BABAM2: variants seen among roughly 807,000 people sequenced by gnomAD.
BABAM2 encodes the protein BRISC and BRCA1 A complex member 2.
BABAM2 carries 31 observed loss-of-function variants against 54.7 expected under a neutral mutation model. The ratio of observed to expected loss-of-function variants is 0.57; its 90% CI spans 0.43 to 0.77. The LOEUF (loss-of-function observed/expected upper bound fraction) is 0.77. BABAM2 is among the 30% of genes least tolerant of loss of function. BABAM2 has a pLI of 0.00. For missense variants in BABAM2, 364 were observed against 455.8 expected (o/e 0.80, Z 1.83); for synonymous variants, 167 against 162.9 (o/e 1.03, Z -0.19).
intron 5 of BABAM2, among the ~76,000 whole-genome samples, chr2:28,041,903 G>A (rs1182922766): frequency 6.6e-6 from 1 of 152,194 alleles, no homozygotes; most frequent in Non-Finnish European, 1.5e-5. Flanking sequence ...AGAGTTAGGG[G>A]CAATTGCAGT....
intron 7 of BABAM2, among the ~76,000 whole-genome samples, chr2:28,169,971 T>G (rs1160697042): frequency 1.3e-5 from 2 of 152,144 alleles, no homozygotes; most frequent in East Asian, 1.9e-4. Flanking sequence ...TGCTTTAAAC[T>G]TTCAAAAAAC....
Position 27,983,942 on chromosome 2 carries a change from C to CTTTTTTTTT in BABAM2, c.206-4040_206-4032dup. On this transcript the variant is annotated intron_variant, in intron 3 of 11. Coordinates refer to ENST00000379624, the MANE Select transcript of BABAM2 (RefSeq NM_199191.3). ...TTTCCAATGTAGATACATTTTGTAC[C>CTTTTTTTTT]TTTTTTTTTTTTTTTTTTTGCCAAA... 1.0e-3 allele frequency among the ~76,000 whole-genome samples: 32 copies of CTTTTTTTTT among 31,150 alleles called. 5 individuals carry two copies. The highest frequency in any genetic ancestry group is 3.0e-3 in the African/African-American group (22 of 7,248). The allele number at this position is 31,150 out of a possible 152,430, so 20.4% of individuals were successfully genotyped here.
intron 11 of BABAM2, chr2:28,308,572 G>A (rs1243689876): frequency 2.2e-6 from 1 of 462,206 alleles, no homozygotes; most frequent in African/African-American, 2.0e-5. Flanking sequence ...AAGGCATATT[G>A]GGATCATCTA....
At chr2:28,130,988 G>T (rs879809272) in intron 7 of BABAM2, among the ~76,000 whole-genome samples, 1 of 151,844 alleles carries the variant, frequency 6.6e-6, no homozygotes, top group Non-Finnish European at 1.5e-5. Flanking sequence ...TGATCTGCCC[G>T]CTTCGGCCTC....
intron 7 of BABAM2, among the ~76,000 whole-genome samples, chr2:28,164,232 A>C (rs1673399757): frequency 6.6e-6 from 1 of 152,182 alleles, no homozygotes; most frequent in Non-Finnish European, 1.5e-5. Flanking sequence ...GCAGTTCCAC[A>C]TGTGCAATTG....
intron 7 of BABAM2, among the ~76,000 whole-genome samples, chr2:28,150,039 T>C (rs1378878216): frequency 2.6e-5 from 4 of 152,204 alleles, no homozygotes; most frequent in Non-Finnish European, 5.9e-5. Flanking sequence ...GTCTCGAATC[T>C]TAACCATAAC....
intron 7 of BABAM2, among the ~76,000 whole-genome samples, chr2:28,231,785 CTTTTTTTTTTTTTTT>C (rs549515372): frequency 4.0e-4 from 23 of 57,652 alleles, no homozygotes; most frequent in African/African-American, 9.4e-4. Flanking sequence ...AGAGAGATGT[CTTTTTTTTTTTTTTT>C]TTTTTTTTTT....
At chr2:28,158,247 A>G (rs1558391815) in intron 7 of BABAM2, among the ~76,000 whole-genome samples, 1 of 152,234 alleles carries the variant, frequency 6.6e-6, no homozygotes, top group Non-Finnish European at 1.5e-5. Flanking sequence ...AAAAAACTCA[A>G]AAATAAAAAC....
In BABAM2 at chr2:28,182,696, T is replaced by C. The variant is rs140835627; in HGVS notation, c.680+53316T>C. Among the ~76,000 whole-genome samples the C allele has an allele frequency of 1.3e-3, 201 of 152,374 alleles. 2 individuals carry two copies. Among genetic ancestry groups the C allele is most frequent in the African/African-American group, 4.4e-3 (185 of 41,592 alleles). On this transcript the variant is annotated intron_variant, in intron 7 of 11. Coordinates refer to ENST00000379624, the MANE Select transcript of BABAM2 (RefSeq NM_199191.3). ...TCACATGTACACCAACTGTTGTTTG[T>C]AGACTAAATAAATAACATCTAACAT...
At chr2:28,234,016 A>G (rs915041786) in intron 7 of BABAM2, among the ~76,000 whole-genome samples, 3 of 152,240 alleles carry the variant, frequency 2.0e-5, no homozygotes, top group East Asian at 3.9e-4. Flanking sequence ...AGCCAGACCT[A>G]CTGTTTCTTC....
chr2:28,214,098 G>T (rs1033139391), intron 7 of BABAM2, among the ~76,000 whole-genome samples: 3 of 152,010 alleles, frequency 2.0e-5, no homozygotes, highest in Admixed American at 6.6e-5. Context: ...AATTGACATT[G>T]GCATGTTACT....
chr2:27,939,719 G>A (rs565572868), intron 3 of BABAM2, among the ~76,000 whole-genome samples: 8 of 152,258 alleles, frequency 5.3e-5, no homozygotes, highest in Admixed American at 2.0e-4. Flanking sequence ...AATGAAAATA[G>A]CATGTAACTA....
chr2:28,057,943 A>G lies in BABAM2; in HGVS notation c.570+12144A>G, dbSNP rs1489497073. Among the ~76,000 whole-genome samples, 4 of 152,188 alleles carry G rather than the reference A, an allele frequency of 2.6e-5. No individual in the cohort carries two copies. The East Asian group carries it at 7.7e-4, about 29-fold the overall frequency. On this transcript the variant is annotated intron_variant, in intron 6 of 11. Coordinates refer to ENST00000379624, the MANE Select transcript of BABAM2 (RefSeq NM_199191.3). ...AGGATCACAAGGTCAAGAGATCGAGACCATCCTGGCTAACACAGTGAAACC... is the reference window on the plus strand; with the variant it reads ...AGGATCACAAGGTCAAGAGATCGAGGCCATCCTGGCTAACACAGTGAAACC...
intron 6 of BABAM2, among the ~76,000 whole-genome samples, chr2:28,076,856 T>C (rs751580710): frequency 6.6e-6 from 1 of 152,180 alleles, no homozygotes; most frequent in Non-Finnish European, 1.5e-5. Context: ...CTTTTTACTT[T>C]GTATAAAGAT....
At chr2:28,050,584 G>C (rs1677924646) in intron 6 of BABAM2, among the ~76,000 whole-genome samples, 1 of 152,094 alleles carries the variant, frequency 6.6e-6, no homozygotes, top group Admixed American at 6.6e-5. Context: ...AATGATACTG[G>C]GATTAGACAA....
At chr2:28,066,197 TA>T (rs919215692) in intron 6 of BABAM2, among the ~76,000 whole-genome samples, 41 of 150,232 alleles carry the variant, frequency 2.7e-4, no homozygotes, top group African/African-American at 9.0e-4. Flanking sequence ...AATAAAAAAA[TA>T]AAAAAAACAG....
chr2:27,992,430 C>T (rs1328329270), intron 4 of BABAM2, among the ~76,000 whole-genome samples: 1 of 152,054 alleles, frequency 6.6e-6, no homozygotes, highest in Admixed American at 6.6e-5. Flanking sequence ...AGTACCCTGT[C>T]TCTCAATCAA....
chr2:28,026,919 T>TAC (rs1675842982), intron 5 of BABAM2, among the ~76,000 whole-genome samples: 1 of 30,674 alleles, frequency 3.3e-5, no homozygotes, highest in Non-Finnish European at 6.9e-5. Context: ...TATATATTAA[T>TAC]ATATATAAAT....
chr2:28,070,551 C>CT (rs779324534), intron 6 of BABAM2, among the ~76,000 whole-genome samples: 11 of 85,742 alleles, frequency 1.3e-4, no homozygotes, highest in African/African-American at 3.5e-4. Flanking sequence ...AAGTACTTTT[C>CT]TTTTCTTTTT....
Sources: allele counts gnomAD v4.1 joint callset (sites outside exome capture counted in the v4.1 genomes callset), GRCh38; gene constraint gnomAD v4.1.1; transcripts MANE v1.5; gene names NCBI Gene and HGNC (gene_info 2026-07-23, HGNC 2026-07-21).